PCDH17: variants seen among roughly 807,000 people sequenced by gnomAD.
The protein encoded by PCDH17 is protocadherin-17.
In PCDH17, 21 loss-of-function variants were observed where a neutral mutation model predicts 67.7. That is an observed-to-expected ratio of 0.31 (90% CI 0.22 to 0.45). The LOEUF is 0.45. Among genes scored for constraint, PCDH17 ranks in the 20% least tolerant of loss-of-function variants. The pLI, the probability that PCDH17 is intolerant of heterozygous loss-of-function variation, is 1.00. For synonymous variants in PCDH17, 701 were observed against 656.7 expected (o/e 1.07, Z -1.03); for missense variants, 1,471 against 1,564.8 (o/e 0.94, Z 1.01).
At chr13:57,659,609 TA>T (rs1466193068) in intron 1 of PCDH17, among the ~76,000 whole-genome samples, 2 of 152,216 alleles carry the variant, frequency 1.3e-5, no homozygotes, top group African/African-American at 4.8e-5. Context: ...GCCAAAATTG[TA>T]AAATTATTTT....
rs377596589 is a variant in PCDH17 at position 57,632,849 on chromosome 13, G to C, written c.303G>C (p.Lys101Asn). Residue 101 changes from lysine to asparagine, a missense_variant, in exon 1 of 4, where the codon AAG becomes AAC. By Grantham distance (94) the Lys-to-Asn change is moderately conservative. Around this residue, in one of 3 missense-constraint regions of PCDH17, gnomAD observed 1,163 missense variants for 1,230.0 expected, o/e 0.95. Transcript: ENST00000377918. ...DRESLCRHNA[K>N]CQLSLEVFAN... is the part of the protein sequence containing the mutation. ...AGTCCCTGTGCCGCCACAATGCCAA[G>C]TGCCAGCTGTCCCTCGAGGTGTTCG... is the stretch of plus-strand genomic sequence containing the variant. 1.1e-5 allele frequency: 17 copies of C among 1,613,986 alleles called. No individual in the cohort carries two copies. Among genetic ancestry groups the C allele is most frequent in the East Asian group, 6.7e-5 (3 of 44,860 alleles).
chr13:57,641,798 C>CA (rs1298229301), intron 1 of PCDH17, among the ~76,000 whole-genome samples: 1 of 149,338 alleles, frequency 6.7e-6, no homozygotes, highest in Non-Finnish European at 1.5e-5. Context: ...TATATTTATT[C>CA]AAAAAAATAA....
intron 3 of PCDH17, among the ~76,000 whole-genome samples, chr13:57,693,332 A>ATATATATATATATATG (rs1955577274): frequency 7.1e-6 from 1 of 141,442 alleles, no homozygotes; most frequent in Admixed American, 7.1e-5. Flanking sequence ...ATATATATAT[A>ATATATATATATATATG]TATATATATA....
intron 3 of PCDH17, among the ~76,000 whole-genome samples, chr13:57,676,481 G>T (rs1281580524): frequency 6.6e-6 from 1 of 151,826 alleles, no homozygotes; most frequent in Non-Finnish European, 1.5e-5. Context: ...ATCAGAAGAG[G>T]CAACTGGCAA....
rs1172243493 is a variant in PCDH17 at position 57,633,116 on chromosome 13, C to T, written c.570C>T (p.Thr190=). The change falls in exon 1 of 4, where the codon ACC becomes ACT. Residue 190 remains threonine, a synonymous_variant. Transcript: ENST00000377918. The surrounding 1 kb of genome is among the most constrained non-coding windows in gnomAD (Gnocchi z 6.2). ...GLDVKSRGDG[T]KFPELVIQKA... The stretch of plus-strand genomic sequence containing the variant: ...ACGTTAAGTCCCGCGGCGACGGCAC[C>T]AAGTTCCCAGAACTGGTCATCCAGA... 1 of 1,613,414 alleles carries T rather than the reference C, an allele frequency of 6.2e-7. No individual in the cohort carries two copies. The highest frequency in any genetic ancestry group is 2.2e-5 in the East Asian group (1 of 44,848).
At chr13:57,688,297 A>G (rs1955526037) in intron 3 of PCDH17, among the ~76,000 whole-genome samples, 1 of 151,954 alleles carries the variant, frequency 6.6e-6, no homozygotes, top group African/African-American at 2.4e-5. Flanking sequence ...TGGGTGACAG[A>G]GTGAGACCCT....
chr13:57,704,356 AG>A (rs1461599667), intron 3 of PCDH17, among the ~76,000 whole-genome samples: 10 of 152,096 alleles, frequency 6.6e-5, no homozygotes, highest in African/African-American at 2.4e-4. Context: ...ACAGTCTAGT[AG>A]GCAGCAGAAA....
intron 1 of PCDH17, among the ~76,000 whole-genome samples, chr13:57,663,729 T>A (rs576313210): frequency 6.6e-6 from 1 of 152,194 alleles, no homozygotes; most frequent in Non-Finnish European, 1.5e-5. Context: ...CTGCTAGTGA[T>A]TGAATTGCAA....
intron 3 of PCDH17, among the ~76,000 whole-genome samples, chr13:57,688,725 T>C (rs1373043087): frequency 6.6e-6 from 1 of 152,094 alleles, no homozygotes; most frequent in Non-Finnish European, 1.5e-5. Context: ...TTAAAATCAG[T>C]TGCAGTATTG....
At chr13:57,656,233 A>G (rs1266227371) in intron 1 of PCDH17, among the ~76,000 whole-genome samples, 1 of 152,184 alleles carries the variant, frequency 6.6e-6, no homozygotes, top group Admixed American at 6.5e-5. Context: ...TGACATTATA[A>G]ACATGCATTT....
At chr13:57,630,232 G>C (rs945011125), upstream of PCDH17, among the ~76,000 whole-genome samples, 1 of 152,028 alleles carries the variant, frequency 6.6e-6, no homozygotes, top group Non-Finnish European at 1.5e-5. Context: ...CCTTTCATCC[G>C]CTGCTTTGCT....
chr13:57,679,372 AG>A (rs1459958671), intron 3 of PCDH17, among the ~76,000 whole-genome samples: 7 of 141,418 alleles, frequency 4.9e-5, no homozygotes, highest in Non-Finnish European at 1.1e-4. Context: ...AAAAAAAAAA[AG>A]GAGTATAAGG....
intron 3 of PCDH17, among the ~76,000 whole-genome samples, chr13:57,716,485 G>C (rs1955817577): frequency 6.6e-6 from 1 of 151,702 alleles, no homozygotes; most frequent in Non-Finnish European, 1.5e-5. Flanking sequence ...TCCTTTACCT[G>C]GAGCGCCCTC....
chr13:57,679,761 G>A (rs1489610036), intron 3 of PCDH17, among the ~76,000 whole-genome samples: 1 of 151,392 alleles, frequency 6.6e-6, no homozygotes, highest in African/African-American at 2.4e-5. Context: ...CAAGCTAAGA[G>A]TATTTGTAGT....
At chr13:57,695,529 G>A (rs2138067757) in intron 3 of PCDH17, among the ~76,000 whole-genome samples, 1 of 151,090 alleles carries the variant, frequency 6.6e-6, no homozygotes, top group African/African-American at 2.4e-5. Flanking sequence ...GGTTTCTAAA[G>A]GTAAATTTTG....
chr13:57,717,209 G>T (rs985313790), intron 3 of PCDH17, among the ~76,000 whole-genome samples: 3 of 151,974 alleles, frequency 2.0e-5, no homozygotes, highest in Non-Finnish European at 4.4e-5. Flanking sequence ...GGAATTCAGG[G>T]AAGGGGCAGA....
At chr13:57,658,183 A>T (rs1955133061) in intron 1 of PCDH17, among the ~76,000 whole-genome samples, 1 of 152,218 alleles carries the variant, frequency 6.6e-6, no homozygotes, top group Non-Finnish European at 1.5e-5. Flanking sequence ...AAATGTTTCT[A>T]GAACTTGCTG....
chr13:57,643,530 G>A (rs1039103042), intron 1 of PCDH17, among the ~76,000 whole-genome samples: 3 of 151,480 alleles, frequency 2.0e-5, no homozygotes, highest in African/African-American at 7.3e-5. Context: ...TTATAATAGT[G>A]TCTTCTTGGG....
intron 1 of PCDH17, among the ~76,000 whole-genome samples, chr13:57,649,415 A>G (rs1284775359): frequency 1.3e-5 from 2 of 152,158 alleles, no homozygotes; most frequent in African/African-American, 4.8e-5. Context: ...TGAATAATGT[A>G]CATGTTTTGG....
Sources: gnomAD v4.1 joint callset for allele counts (sites outside exome capture counted in the v4.1 genomes callset) on GRCh38, gnomAD v4.1.1 for gene constraint, gnomAD v4.1.1 regional missense constraint, Gnocchi (gnomAD v3.1) non-coding constraint, MANE v1.5 for transcripts, NCBI Gene and HGNC (gene_info 2026-07-23, HGNC 2026-07-21) for gene names.